The following RNFT2 variants were observed in gnomAD, a reference collection of about 807,000 sequenced individuals.
The protein encoded by RNFT2 is ring finger protein, transmembrane 2.
In RNFT2, 36 loss-of-function variants were observed where a neutral mutation model predicts 53.0. The ratio of observed to expected loss-of-function variants is 0.68; its 90% CI spans 0.52 to 0.90. The LOEUF is 0.90. RNFT2 is among the 40% of genes least tolerant of loss of function. The pLI is 0.00. For synonymous variants in RNFT2, 260 were observed against 253.2 expected, an observed-to-expected ratio of 1.03 and a Z score of -0.26; for missense variants, 514 against 585.6, an observed-to-expected ratio of 0.88 and a Z score of 1.26.
intron 10 of RNFT2, among the ~76,000 whole-genome samples, chr12:116,843,396 G>A (rs1232830118): frequency 6.7e-6 from 1 of 149,832 alleles, no homozygotes; most frequent in Non-Finnish European, 1.5e-5. Context: ...GGAGGCTGAG[G>A]TGGGAGGATC....
In RNFT2 at chr12:116,779,282, C is replaced by T. The variant is rs1367583557; in HGVS notation, c.816C>T (p.Tyr272=). 1 of 1,614,032 alleles carries T rather than the reference C, an allele frequency of 6.2e-7. No individual in the cohort carries two copies. Among genetic ancestry groups the T allele is most frequent in the Admixed American group, 1.7e-5 (1 of 60,020 alleles). The change falls in exon 7 of 11, where the codon TAC becomes TAT. Residue 272 remains tyrosine (Y), a synonymous_variant. Transcript: ENST00000257575. ...GGATCGCAGACTTTGTTCTGAAGTA[C>T]ATCACCATCGCCCTCAAGTGCCTCA... ...IVGIADFVLK[Y]ITIALKCLIV... is the part of the protein sequence containing the mutation.
At position 116,778,235 on chromosome 12, in the gene RNFT2, T is replaced by C. The variant is rs141400770; in HGVS notation, c.729-960T>C. ...TTGGGTTTGTCCCCAGCAAAACTCA[T>C]GTTGAAATTTGATCCCCAATGATGT... On this transcript the variant is annotated intron_variant, in intron 6 of 10. Coordinates refer to ENST00000257575, the MANE Select transcript of RNFT2 (RefSeq NM_001382266.1). Among the ~76,000 whole-genome samples, 821 of 152,232 alleles carry C rather than the reference T, an allele frequency of 5.4e-3. 4 individuals carry two copies. The highest frequency in any genetic ancestry group is 8.3e-3 in the Non-Finnish European group (563 of 68,018).
intron 5 of RNFT2, among the ~76,000 whole-genome samples, chr12:116,754,377 AC>A (rs1872401638): frequency 6.6e-6 from 1 of 152,082 alleles, no homozygotes; most frequent in East Asian, 1.9e-4. Context: ...TTCTTTATAC[AC>A]CCGTTGATTG....
intron 7 of RNFT2, among the ~76,000 whole-genome samples, chr12:116,779,646 A>C (rs1873600364): frequency 6.6e-6 from 1 of 152,132 alleles, no homozygotes; most frequent in Admixed American, 6.5e-5. Context: ...GAGAGGAAAA[A>C]AAAGCATGTT....
Position 116,852,491 on chromosome 12 carries a change from A to G in RNFT2, c.*3043A>G, listed in dbSNP as rs1868929951. 1.3e-6 allele frequency: 2 copies of G among 1,491,976 alleles called. No homozygotes were observed. Among genetic ancestry groups the G allele is most frequent in the Non-Finnish European group, 1.8e-6 (2 of 1,120,666 alleles). The allele number at this position is 1,491,976 out of a possible 1,614,324, so 92.4% of individuals were successfully genotyped here. A position where few individuals can be genotyped will look rare whatever the true frequency, so the allele number is the denominator to read the frequency against. The stretch of plus-strand genomic sequence containing the variant: ...CTATGGCGATGGCCATGATGTTACA[A>G]TCCCACTTGCCTGAATAATCAAGTG... On this transcript the variant is annotated 3_prime_UTR_variant, in exon 11 of 11. Coordinates refer to ENST00000257575, the MANE Select transcript of RNFT2 (RefSeq NM_001382266.1).
At chr12:116,848,543 T>G (rs1224518932) in intron 10 of RNFT2, among the ~76,000 whole-genome samples, 1 of 152,132 alleles carries the variant, frequency 6.6e-6, no homozygotes, top group Non-Finnish European at 1.5e-5. Context: ...CCATCACTTC[T>G]GTGACCTCAT....
At chr12:116,822,471 T>C (rs1246860064) in intron 7 of RNFT2, among the ~76,000 whole-genome samples, 1 of 152,102 alleles carries the variant, frequency 6.6e-6, no homozygotes, top group African/African-American at 2.4e-5. Context: ...GGGCAGGTTA[T>C]CTAACTTTTC....
At chr12:116,773,107 A>G (rs1035637342) in intron 6 of RNFT2, among the ~76,000 whole-genome samples, 20 of 151,990 alleles carry the variant, frequency 1.3e-4, no homozygotes, top group African/African-American at 4.3e-4. Context: ...GATTACAGGT[A>G]TGAGCCACCA....
chr12:116,774,055 A>G (rs1251384015), intron 6 of RNFT2, among the ~76,000 whole-genome samples: 1 of 152,248 alleles, frequency 6.6e-6, no homozygotes. Flanking sequence ...AAAAAAGGAC[A>G]TTAAGTGTAT....
chr12:116,795,323 G>T (rs573945102), intron 7 of RNFT2, among the ~76,000 whole-genome samples: 1 of 151,472 alleles, frequency 6.6e-6, no homozygotes, highest in African/African-American at 2.4e-5. Context: ...CAGAAGAATC[G>T]CTTGAACCCA....
At chr12:116,848,576 C>A (rs1877736238) in intron 10 of RNFT2, among the ~76,000 whole-genome samples, 1 of 152,138 alleles carries the variant, frequency 6.6e-6, no homozygotes, top group Non-Finnish European at 1.5e-5. Context: ...TCCACCCCAA[C>A]AACCCCAGCC....
At position 116,852,334 on chromosome 12, in the gene RNFT2, G is replaced by C; in HGVS notation, c.*2886G>C. On this transcript the variant is annotated 3_prime_UTR_variant, in exon 11 of 11. Transcript: ENST00000257575. ...CATGTCCCCTTCCCCCTGCCCCGCC[G>C]TAGATTCAGGACATTTGCCCCTGTG... 7.9e-7 allele frequency: 1 copy of C among 1,262,510 alleles called. No individual in the cohort carries two copies. The highest frequency in any genetic ancestry group is 1.0e-6 in the Non-Finnish European group (1 of 998,686). 78.2% of individuals were successfully genotyped at this position (1,262,510 alleles called of 1,614,324 possible).
At chr12:116,776,550 G>A (rs931443493) in intron 6 of RNFT2, among the ~76,000 whole-genome samples, 15 of 152,096 alleles carry the variant, frequency 9.9e-5, no homozygotes, top group Non-Finnish European at 2.2e-4. Flanking sequence ...GATGTGGGAG[G>A]GTCACTGAAG....
intron 7 of RNFT2, among the ~76,000 whole-genome samples, chr12:116,833,397 C>T (rs1418206457): frequency 6.6e-6 from 1 of 152,226 alleles, no homozygotes; most frequent in Non-Finnish European, 1.5e-5. Flanking sequence ...CGAGTCAGCC[C>T]TCTAAAGATG....
chr12:116,764,697 G>T (rs1156978938), intron 5 of RNFT2, among the ~76,000 whole-genome samples: 1 of 152,190 alleles, frequency 6.6e-6, no homozygotes, highest in Non-Finnish European at 1.5e-5. Flanking sequence ...TTCGAGACCA[G>T]CTTGGCCAAC....
At chr12:116,771,485 A>AT (rs1566076380) in intron 6 of RNFT2, among the ~76,000 whole-genome samples, 25 of 100,578 alleles carry the variant, frequency 2.5e-4, no homozygotes, top group African/African-American at 5.3e-4. Context: ...AAAAAAAAAA[A>AT]AAAAAAAAAA....
chr12:116,762,606 G>A (rs557987538), intron 5 of RNFT2, among the ~76,000 whole-genome samples: 4 of 143,450 alleles, frequency 2.8e-5, no homozygotes, highest in African/African-American at 1.1e-4. Flanking sequence ...TTGAGATGAA[G>A]TCTCACTCTG....
chr12:116,800,284 G>A (rs1302226068), intron 7 of RNFT2, among the ~76,000 whole-genome samples: 1 of 150,720 alleles, frequency 6.6e-6, no homozygotes, highest in Non-Finnish European at 1.5e-5. Flanking sequence ...ATCATTTGAG[G>A]TCAGGAGTTC....
At position 116,809,322 on chromosome 12, in the gene RNFT2, G is replaced by A. The variant is rs527769008; in HGVS notation, c.883-24470G>A. Among the ~76,000 whole-genome samples, 23 of 152,324 alleles carry A rather than the reference G, an allele frequency of 1.5e-4. 1 individual carries two copies. The South Asian group carries it at 3.7e-3, about 25-fold the overall frequency. On this transcript the variant is annotated intron_variant, in intron 7 of 10. Transcript: ENST00000257575. ...TGGTTCAGGTGCTGACAGGAGTTGA[G>A]AAGTGCTGATGAGAGGAGAGGTCCT... is the stretch of plus-strand genomic sequence containing the variant.
Sources: gnomAD v4.1 joint callset for allele counts (sites outside exome capture counted in the v4.1 genomes callset) on GRCh38, gnomAD v4.1.1 for gene constraint, MANE v1.5 for transcripts, NCBI Gene and HGNC (gene_info 2026-07-23, HGNC 2026-07-21) for gene names.